Variants in GSTCD observed in about 807,000 individuals in gnomAD.
The protein encoded by GSTCD is glutathione S-transferase C-terminal domain-containing protein.
GSTCD carries 44 observed loss-of-function variants against 68.3 expected under a neutral mutation model. That is an observed-to-expected ratio of 0.64 (90% CI 0.51 to 0.83). GSTCD has a LOEUF of 0.83. Ranked by LOEUF, GSTCD falls within the 40% of genes least tolerant of loss-of-function variation. GSTCD has a pLI of 0.00. For synonymous variants in GSTCD, 273 were observed against 255.2 expected (o/e 1.07, Z -0.67); for missense variants, 739 against 735.9 (o/e 1.00, Z -0.05).
chr4:105,794,889 A>ATCTATCTG (rs201602122), intron 5 of GSTCD, among the ~76,000 whole-genome samples: 3,246 of 140,602 alleles, frequency 0.023, 148 homozygotes, highest in South Asian at 0.044. Flanking sequence ...CTATCTATCT[A>ATCTATCTG]TCTATGAGAC....
intron 5 of GSTCD, among the ~76,000 whole-genome samples, chr4:105,813,395 A>G (rs904775262): frequency 6.6e-6 from 1 of 152,204 alleles, no homozygotes; most frequent in Non-Finnish European, 1.5e-5. Flanking sequence ...AATTCCATGC[A>G]TAAGTACTTA....
chr4:105,803,823 A>G (rs960795997), intron 5 of GSTCD, among the ~76,000 whole-genome samples: 2 of 152,060 alleles, frequency 1.3e-5, no homozygotes, highest in African/African-American at 4.8e-5. Flanking sequence ...TCAAATCTGA[A>G]TGATATATTA....
chr4:105,819,652 C>G (rs1723180824), intron 5 of GSTCD, among the ~76,000 whole-genome samples: 2 of 151,716 alleles, frequency 1.3e-5, no homozygotes, highest in Admixed American at 1.3e-4. Context: ...TGCTGTTAAT[C>G]AGACCTCTTT....
chr4:105,722,936 A>G (rs1235076709), intron 3 of GSTCD, among the ~76,000 whole-genome samples: 1 of 151,902 alleles, frequency 6.6e-6, no homozygotes, highest in Non-Finnish European at 1.5e-5. Context: ...AGTGTAATGA[A>G]TGTGGTTCAG....
In GSTCD at chr4:105,779,794, C is replaced by A. The variant is rs977848108; in HGVS notation, c.1241-43160C>A. Among the ~76,000 whole-genome samples the A allele has an allele frequency of 4.6e-5, 7 of 152,270 alleles. No homozygotes were observed. In the East Asian group the frequency reaches 1.3e-3, roughly 29 times the overall value. On this transcript the variant is annotated intron_variant, in intron 5 of 11. Coordinates refer to ENST00000515279, the MANE Select transcript of GSTCD (RefSeq NM_001370181.1). ...AAATTTTGCCACCCAAATCTGAGGCCACTAATAGGGAAAAGATTCAGGCAT... is the reference window on the plus strand; with the variant it reads ...AAATTTTGCCACCCAAATCTGAGGCAACTAATAGGGAAAAGATTCAGGCAT...
intron 5 of GSTCD, among the ~76,000 whole-genome samples, chr4:105,810,342 C>G (rs1462884605): frequency 6.6e-6 from 1 of 151,828 alleles, no homozygotes; most frequent in Non-Finnish European, 1.5e-5. Context: ...TTTAGCAGTT[C>G]TTGGTTTGTT....
At chr4:105,832,525 ACT>A (rs113358682) in intron 8 of GSTCD, among the ~76,000 whole-genome samples, 2,036 of 152,112 alleles carry the variant, frequency 0.013, 58 homozygotes, top group African/African-American at 0.046. Flanking sequence ...AATTTTCTAA[ACT>A]CTTTTTTGCT....
At chr4:105,753,848 G>C (rs1384034613) in intron 5 of GSTCD, among the ~76,000 whole-genome samples, 1 of 151,928 alleles carries the variant, frequency 6.6e-6, no homozygotes, top group Admixed American at 6.6e-5. Flanking sequence ...CTGCAAAAAG[G>C]CATTTTCTTG....
intron 5 of GSTCD, among the ~76,000 whole-genome samples, chr4:105,794,790 C>G (rs754389416): frequency 6.6e-6 from 1 of 151,072 alleles, no homozygotes; most frequent in South Asian, 2.1e-4. Flanking sequence ...TTATTTCTAC[C>G]ACGTTTGTTT....
chr4:105,823,258 A>C lies in GSTCD; in HGVS notation c.1384A>C (p.Met462Leu). ...CCATGTTGGAATTGTCCTTGCTCAC[A>C]TGCTGCCATCATGTCAGGTAAAGCC... Reference protein sequence around the residue: ...GGHVGIVLAHMLPSCQVTLIE... With the variant: ...GGHVGIVLAHLLPSCQVTLIE... Residue 462 changes from methionine (M) to leucine (L), a missense_variant, in exon 7 of 12, where the codon ATG (methionine) becomes CTG (leucine). Coordinates refer to ENST00000515279, the MANE Select transcript of GSTCD (RefSeq NM_001370181.1). The C allele has an allele frequency of 6.2e-7, 1 of 1,613,858 alleles. No individual in the cohort carries two copies. The highest frequency in any genetic ancestry group is 8.5e-7 in the Non-Finnish European group (1 of 1,179,774).
At chr4:105,814,171 G>A (rs1334339242) in intron 5 of GSTCD, among the ~76,000 whole-genome samples, 2 of 152,188 alleles carry the variant, frequency 1.3e-5, no homozygotes, top group Non-Finnish European at 2.9e-5. Flanking sequence ...GGTATAGTTT[G>A]AGTATAGTCT....
chr4:105,845,811 G>A lies in GSTCD; in HGVS notation c.*234G>A, dbSNP rs547564942. On this transcript the variant is annotated 3_prime_UTR_variant, in exon 12 of 12. Coordinates refer to ENST00000515279, the MANE Select transcript of GSTCD (RefSeq NM_001370181.1). Reference sequence around the variant, plus strand: ...GTTTTTATAGTGAGAATCCCCTGAAGTCTCAGCTGCCAAAAGAATAATACT... The same window carrying A: ...GTTTTTATAGTGAGAATCCCCTGAAATCTCAGCTGCCAAAAGAATAATACT... The A allele has an allele frequency of 4.1e-6, 2 of 486,092 alleles. No individual in the cohort carries two copies. The highest frequency in any genetic ancestry group is 3.8e-5 in the African/African-American group (2 of 52,194). The allele number at this position is 486,092 out of a possible 1,614,324, so 30.1% of individuals were successfully genotyped here.
At chr4:105,783,049 T>G (rs1474255290) in intron 5 of GSTCD, among the ~76,000 whole-genome samples, 1 of 152,196 alleles carries the variant, frequency 6.6e-6, no homozygotes. Flanking sequence ...CATCTCACAT[T>G]CTTTCCCTCT....
chr4:105,821,274 T>A (rs531819460), intron 5 of GSTCD: 2 of 151,932 alleles, frequency 1.3e-5, no homozygotes, highest in Admixed American at 1.3e-4. Context: ...GTATAGTAAG[T>A]TGTTAATGGT....
intron 5 of GSTCD, among the ~76,000 whole-genome samples, chr4:105,778,041 T>C (rs184745945): frequency 3.3e-5 from 5 of 152,128 alleles, no homozygotes; most frequent in Admixed American, 6.5e-5. Context: ...GATTGTTGGA[T>C]TAAGGAAGAC....
At chr4:105,735,663 A>T (rs977131180) in intron 5 of GSTCD, among the ~76,000 whole-genome samples, 8 of 152,096 alleles carry the variant, frequency 5.3e-5, no homozygotes, top group East Asian at 3.9e-4. Context: ...CTCACACTCA[A>T]TGGGCAGCAC....
chr4:105,845,618 CGT>C lies in GSTCD; in HGVS notation c.*42_*43del, dbSNP rs750227530. 1 of 1,606,354 alleles carries C rather than the reference CGT, an allele frequency of 6.2e-7. No individual in the cohort carries two copies. The highest frequency in any genetic ancestry group is 1.1e-5 in the South Asian group (1 of 90,852). On this transcript the variant is annotated 3_prime_UTR_variant, in exon 12 of 12. Coordinates refer to ENST00000515279, the MANE Select transcript of GSTCD (RefSeq NM_001370181.1). Reference sequence around the variant, plus strand: ...TTTGATATTTTGCCATCCGTCTTCACGTTGGATGCCCAGTGGCATTCAGGAGG... The same window carrying C: ...TTTGATATTTTGCCATCCGTCTTCACTGGATGCCCAGTGGCATTCAGGAGG...
chr4:105,760,094 T>C (rs2866781), intron 5 of GSTCD, among the ~76,000 whole-genome samples: 132,830 of 151,290 alleles, frequency 0.88, 58,636 homozygotes, highest in East Asian at 0.96. Context: ...AAAAACTGTG[T>C]CTTATGCAGC....
intron 3 of GSTCD, among the ~76,000 whole-genome samples, chr4:105,726,378 G>T (rs1206735754): frequency 6.6e-6 from 1 of 152,184 alleles, no homozygotes; most frequent in African/African-American, 2.4e-5. Context: ...CAGAGATTGA[G>T]TGTAAATGGT....
Sources: allele counts gnomAD v4.1 joint callset (sites outside exome capture counted in the v4.1 genomes callset), GRCh38; gene constraint gnomAD v4.1.1; transcripts MANE v1.5; gene names NCBI Gene and HGNC (gene_info 2026-07-23, HGNC 2026-07-21).